PLCB1: variants seen among roughly 807,000 people sequenced by gnomAD.
The protein encoded by PLCB1 is phospholipase C beta 1, also known as 1-phosphatidylinositol 4,5-bisphosphate phosphodiesterase beta-1.
PLCB1 carries 46 observed loss-of-function variants against 161.8 expected under a neutral mutation model. The observed-to-expected ratio is 0.28, with a 90% CI of 0.22 to 0.36. PLCB1 has a LOEUF of 0.36. PLCB1 is among the 10% of genes least tolerant of loss of function. The probability of loss-of-function intolerance (pLI) is 1.00; values close to 1 mark genes in which losing one functional copy is unlikely to be tolerated. For synonymous variants in PLCB1, 517 were observed against 503.7 expected (o/e 1.03, Z -0.35); for missense variants, 1,016 against 1,472.5 (o/e 0.69, Z 5.07).
At chr20:8,297,372 C>CA (rs1272068056) in intron 2 of PLCB1, among the ~76,000 whole-genome samples, 1 of 151,944 alleles carries the variant, frequency 6.6e-6, no homozygotes, top group Admixed American at 6.6e-5. Context: ...AATGAATTTA[C>CA]ACTCAAAAAA....
chr20:8,244,933 A>G (rs1240545663), intron 2 of PLCB1, among the ~76,000 whole-genome samples: 1 of 151,576 alleles, frequency 6.6e-6, no homozygotes, highest in East Asian at 1.9e-4. Flanking sequence ...GAAATTTGTT[A>G]TATTGTGAAA....
chr20:8,561,961 T>G (rs1212357493), intron 3 of PLCB1, among the ~76,000 whole-genome samples: 1 of 151,970 alleles, frequency 6.6e-6, no homozygotes, highest in Non-Finnish European at 1.5e-5. Flanking sequence ...AGCAAAAAAC[T>G]CCCCTGGCAT....
intron 3 of PLCB1, among the ~76,000 whole-genome samples, chr20:8,624,512 C>T (rs1346639151): frequency 2.0e-5 from 3 of 152,080 alleles, no homozygotes; most frequent in Non-Finnish European, 2.9e-5. Context: ...GGATTCAAAC[C>T]AGCATTTAAC....
intron 2 of PLCB1, among the ~76,000 whole-genome samples, chr20:8,181,897 A>G (rs1019894242): frequency 6.6e-6 from 1 of 152,166 alleles, no homozygotes; most frequent in Non-Finnish European, 1.5e-5. Flanking sequence ...TGAGCCCAAG[A>G]GTTACAGGTT....
intron 31 of PLCB1, among the ~76,000 whole-genome samples, chr20:8,801,458 C>T (rs555722539): frequency 6.6e-6 from 1 of 152,182 alleles, no homozygotes; most frequent in South Asian, 2.1e-4. Context: ...TACTGCCCCA[C>T]CCATCAGAAT....
chr20:8,493,226 C>T (rs1983021811), intron 3 of PLCB1, among the ~76,000 whole-genome samples: 2 of 152,088 alleles, frequency 1.3e-5, no homozygotes, highest in Admixed American at 6.5e-5. Context: ...TCACTGATTT[C>T]TCTCATTTCT....
chr20:8,657,044 AGAAAG>A (rs943656009), intron 7 of PLCB1, 135 bp from the exon 8 acceptor site: 15 of 609,800 alleles, frequency 2.5e-5, no homozygotes, highest in African/African-American at 1.9e-4. Context: ...AAAAGGAAAA[AGAAAG>A]GAAAGAGAGA....
chr20:8,281,441 A>AT lies in PLCB1; in HGVS notation c.178-89932dup, dbSNP rs919235046. Among the ~76,000 whole-genome samples, 11 of 151,682 alleles carry AT rather than the reference A, an allele frequency of 7.3e-5. No individual in the cohort carries two copies. The East Asian group carries it at 7.7e-4, about 11-fold the overall frequency. The stretch of plus-strand genomic sequence containing the variant: ...TTCATAATTCAGCAGCAAAGATCAG[A>AT]TTTTTTTTTAAGTTCATAGAAATTG... On this transcript the variant is annotated intron_variant, in intron 2 of 31. Coordinates refer to ENST00000338037, the MANE Select transcript of PLCB1 (RefSeq NM_015192.4).
At chr20:8,293,420 A>G (rs1176010044) in intron 2 of PLCB1, among the ~76,000 whole-genome samples, 2 of 152,280 alleles carry the variant, frequency 1.3e-5, no homozygotes, top group East Asian at 3.9e-4. Context: ...TATAGTTCTC[A>G]TTTTGTCATA....
chr20:8,650,170 G>GT (rs1345010656), intron 7 of PLCB1, among the ~76,000 whole-genome samples: 2 of 125,554 alleles, frequency 1.6e-5, no homozygotes, highest in Admixed American at 7.1e-5. Context: ...CCTTCTTGAT[G>GT]TTTTTTTTAA....
chr20:8,839,070 A>G (rs970180533), intron 31 of PLCB1, among the ~76,000 whole-genome samples: 14 of 152,206 alleles, frequency 9.2e-5, no homozygotes, highest in Non-Finnish European at 1.8e-4. Context: ...TCCATTACAT[A>G]GATGACATTA....
chr20:8,593,241 T>G (rs1258434218), intron 3 of PLCB1, among the ~76,000 whole-genome samples: 1 of 152,164 alleles, frequency 6.6e-6, no homozygotes, highest in East Asian at 1.9e-4. Context: ...GGCAAGATCA[T>G]GGCTCACTGC....
At chr20:8,560,431 C>T (rs1335303866) in intron 3 of PLCB1, among the ~76,000 whole-genome samples, 2 of 151,832 alleles carry the variant, frequency 1.3e-5, no homozygotes, top group East Asian at 3.9e-4. Context: ...TCATTTCTGG[C>T]TGCTTATTAC....
intron 2 of PLCB1, among the ~76,000 whole-genome samples, chr20:8,278,652 T>C (rs1040331280): frequency 1.3e-5 from 2 of 152,066 alleles, no homozygotes; most frequent in Admixed American, 1.3e-4. Context: ...TATCACTATA[T>C]GTCCATCAGC....
intron 2 of PLCB1, among the ~76,000 whole-genome samples, chr20:8,192,134 T>A (rs1028884363): frequency 3.9e-5 from 6 of 152,030 alleles, no homozygotes; most frequent in Admixed American, 2.6e-4. Context: ...TTTTAAAAAA[T>A]GTCATCCTTT....
At chr20:8,854,505 C>T (rs906502593) in intron 31 of PLCB1, among the ~76,000 whole-genome samples, 3 of 152,204 alleles carry the variant, frequency 2.0e-5, no homozygotes, top group African/African-American at 7.2e-5. Flanking sequence ...GCCCTTCTAC[C>T]TGCCACAAAC....
chr20:8,638,082 G>A (rs1988821396), intron 4 of PLCB1, among the ~76,000 whole-genome samples: 1 of 152,144 alleles, frequency 6.6e-6, no homozygotes, highest in African/African-American at 2.4e-5. Context: ...TTTTAGTAGA[G>A]ACGGGGTTTC....
intron 3 of PLCB1, among the ~76,000 whole-genome samples, chr20:8,588,013 C>T (rs1000589334): frequency 6.6e-5 from 10 of 152,132 alleles, no homozygotes; most frequent in African/African-American, 1.7e-4. Flanking sequence ...ACCAGACTGA[C>T]GTGTATCGAA....
chr20:8,422,926 G>A (rs571180336), intron 3 of PLCB1, among the ~76,000 whole-genome samples: 1 of 152,130 alleles, frequency 6.6e-6, no homozygotes, highest in Non-Finnish European at 1.5e-5. Flanking sequence ...AAATGGCAAT[G>A]ATAAAAATAT....
Sources: allele counts gnomAD v4.1 joint callset (sites outside exome capture counted in the v4.1 genomes callset), GRCh38; gene constraint gnomAD v4.1.1; transcripts MANE v1.5; gene names NCBI Gene and HGNC (gene_info 2026-07-23, HGNC 2026-07-21).